Variants in CFAP47 observed in about 807,000 individuals in gnomAD.
CFAP47 encodes the protein cilia- and flagella-associated protein 47.
Under a neutral mutation model 148.1 loss-of-function variants are expected in CFAP47, and 29 were observed. That is an observed-to-expected ratio of 0.20 (90% confidence interval 0.15 to 0.27). CFAP47 has a LOEUF of 0.27. Among genes scored for constraint, CFAP47 ranks in the 10% least tolerant of loss-of-function variants. The pLI, the probability that CFAP47 is intolerant of heterozygous loss-of-function variation, is 1.00. For missense variants in CFAP47, 1,872 were observed against 1,697.5 expected, an observed-to-expected ratio of 1.10 and a Z score of -1.81; for synonymous variants, 664 against 577.3, an observed-to-expected ratio of 1.15 and a Z score of -2.15.
chrX:36,054,176 A>C (rs983215340), intron 26 of CFAP47, among the ~76,000 whole-genome samples: 2 of 112,195 alleles, frequency 1.8e-5, no homozygotes, highest in African/African-American at 3.2e-5. Context: ...AGGACCTCCT[A>C]GTACAGCCCT....
chrX:36,305,228 C>T (rs1252553146), intron 54 of CFAP47, among the ~76,000 whole-genome samples: 1 of 111,480 alleles, frequency 9.0e-6, no homozygotes, highest in African/African-American at 3.2e-5. Flanking sequence ...TCTTAGAAAG[C>T]GTATATTAAA....
intron 6 of CFAP47, 130 bp downstream of exon 6, chrX:35,952,093 C>A: frequency 1.5e-6 from 1 of 656,278 alleles, no homozygotes; most frequent in Non-Finnish European, 2.1e-6. Flanking sequence ...TTTTTCTTGT[C>A]ATGGTTCTAG....
At chrX:35,939,393 A>G (rs920336607) in intron 2 of CFAP47, among the ~76,000 whole-genome samples, 2 of 102,508 alleles carry the variant, frequency 2.0e-5, no homozygotes, top group Non-Finnish European at 4.0e-5. Context: ...TGCTGCACCC[A>G]TTAACTCGTC....
chrX:35,924,510 CAT>C (rs1255403503), intron 1 of CFAP47, among the ~76,000 whole-genome samples: 3 of 102,751 alleles, frequency 2.9e-5, no homozygotes, highest in East Asian at 3.1e-4. Context: ...TATAGGTGCA[CAT>C]ATATGTGTAT....
intron 59 of CFAP47, among the ~76,000 whole-genome samples, chrX:36,351,445 A>C (rs1941742203): frequency 1.8e-5 from 2 of 111,952 alleles, no homozygotes; most frequent in African/African-American, 6.5e-5. Context: ...AAAGTGATAT[A>C]ATAAGCCCTA....
chrX:36,248,373 ATATAT>A (rs1228483515), intron 48 of CFAP47, among the ~76,000 whole-genome samples: 42 of 105,111 alleles, frequency 4.0e-4, no homozygotes, highest in African/African-American at 1.1e-3. Context: ...ATGTGTGTAT[ATATAT>A]TATAACATAT....
At chrX:36,331,722 G>A (rs1167976236) in intron 57 of CFAP47, among the ~76,000 whole-genome samples, 3 of 111,413 alleles carry the variant, frequency 2.7e-5, no homozygotes, top group Admixed American at 9.6e-5. Flanking sequence ...CCATCAAGAT[G>A]TATCACATTT....
chrX:36,061,685 A>T (rs147593878), intron 26 of CFAP47, among the ~76,000 whole-genome samples: 2 of 112,565 alleles, frequency 1.8e-5, no homozygotes, highest in East Asian at 5.6e-4. Context: ...GATAAACCAC[A>T]TCAGAATGGT....
chrX:36,115,022 T>C (rs191054666), intron 33 of CFAP47, among the ~76,000 whole-genome samples: 1 of 111,571 alleles, frequency 9.0e-6, no homozygotes, highest in Admixed American at 9.5e-5. Context: ...TATAGTACTT[T>C]TTGCTTTGTC....
intron 21 of CFAP47, among the ~76,000 whole-genome samples, chrX:36,010,778 A>G (rs1324218363): frequency 1.8e-5 from 2 of 111,848 alleles, no homozygotes; most frequent in Non-Finnish European, 3.8e-5. Context: ...ATTGATTGTT[A>G]TGATTTCTCT....
chrX:36,228,890 A>T (rs1392389705), intron 46 of CFAP47, 66 bp downstream of exon 46: 11 of 470,960 alleles, frequency 2.3e-5, no homozygotes, highest in Non-Finnish European at 3.8e-5. Context: ...AAAGTCCTCC[A>T]GACCTCTCAT....
At chrX:36,220,395 T>C (rs1432189692) in intron 45 of CFAP47, among the ~76,000 whole-genome samples, 1 of 110,729 alleles carries the variant, frequency 9.0e-6, no homozygotes, top group Non-Finnish European at 1.9e-5. Flanking sequence ...CACAAAGATA[T>C]ATATATATCC....
intron 37 of CFAP47, among the ~76,000 whole-genome samples, chrX:36,155,207 G>T (rs989578978): frequency 9.0e-6 from 1 of 111,341 alleles, no homozygotes; most frequent in African/African-American, 3.3e-5. Flanking sequence ...TGACTTTTAT[G>T]TTCTCATCTA....
intron 15 of CFAP47, among the ~76,000 whole-genome samples, chrX:35,982,251 T>C (rs933916249): frequency 6.2e-5 from 7 of 112,099 alleles, no homozygotes; most frequent in African/African-American, 2.3e-4. Flanking sequence ...TTGATTTACA[T>C]TTCTCTAATG....
At position 35,960,297 on chromosome X, in the gene CFAP47, T is replaced by G. The variant is rs186289268; in HGVS notation, c.1410+4101T>G. Among the ~76,000 whole-genome samples, 580 of 104,049 alleles carry G rather than the reference T, an allele frequency of 5.6e-3. 6 individuals are homozygous for G. Among genetic ancestry groups the G allele is most frequent in the African/African-American group, 0.02 (557 of 27,954 alleles). 90.4% of individuals were successfully genotyped at this position (104,049 alleles called of 115,157 possible). ...ATTTGGGAAATATGAGCCTTCTAATTTTTTTCTTTTTAAAGAAAATTTTTG... is the reference window on the plus strand; with the variant it reads ...ATTTGGGAAATATGAGCCTTCTAATGTTTTTCTTTTTAAAGAAAATTTTTG... On this transcript the variant is annotated intron_variant, in intron 8 of 63. Transcript: ENST00000378653.
intron 30 of CFAP47, among the ~76,000 whole-genome samples, chrX:36,097,843 T>C (rs990624674): frequency 9.0e-6 from 1 of 111,303 alleles, no homozygotes; most frequent in Non-Finnish European, 1.9e-5. Context: ...ATTTGGGATA[T>C]TGATATATTT....
At chrX:36,156,551 G>A (rs1939369148) in intron 37 of CFAP47, among the ~76,000 whole-genome samples, 1 of 110,217 alleles carries the variant, frequency 9.1e-6, no homozygotes, top group African/African-American at 3.3e-5. Context: ...ACATTGATGT[G>A]TTGTATATTT....
intron 2 of CFAP47, among the ~76,000 whole-genome samples, chrX:35,935,758 G>A (rs761740547): frequency 9.1e-6 from 1 of 110,247 alleles, no homozygotes; most frequent in Non-Finnish European, 1.9e-5. Flanking sequence ...ATTATCAAAC[G>A]TAGTTTTAAC....
At chrX:36,323,741 T>C (rs115393583) in intron 57 of CFAP47, among the ~76,000 whole-genome samples, 1 of 107,585 alleles carries the variant, frequency 9.3e-6, no homozygotes, top group Non-Finnish European at 1.9e-5. Context: ...TATTACTTTC[T>C]TTCAGAAATT....
Sources: gnomAD v4.1 joint callset for allele counts (sites outside exome capture counted in the v4.1 genomes callset) on GRCh38, gnomAD v4.1.1 for gene constraint, MANE v1.5 for transcripts, NCBI Gene and HGNC (gene_info 2026-07-23, HGNC 2026-07-21) for gene names.